The following CSMD3 variants were observed in gnomAD, a reference collection of about 807,000 sequenced individuals.
CSMD3 encodes CUB and sushi domain-containing protein 3.
In CSMD3, 177 loss-of-function variants were observed where a neutral mutation model predicts 435.2. That is an observed-to-expected ratio of 0.41 (90% CI 0.36 to 0.46). The LOEUF is 0.46. Ranked by LOEUF, CSMD3 falls within the 20% of genes least tolerant of loss-of-function variation. The probability of loss-of-function intolerance (pLI) is 0.34; values close to 1 mark genes in which losing one functional copy is unlikely to be tolerated. For synonymous variants in CSMD3, 1,656 were observed against 1,520.5 expected, an observed-to-expected ratio of 1.09 and a Z score of -2.07; for missense variants, 4,265 against 4,504.6, an observed-to-expected ratio of 0.95 and a Z score of 1.52.
chr8:113,374,921 C>T (rs1037589610), intron 1 of CSMD3, among the ~76,000 whole-genome samples: 1 of 150,170 alleles, frequency 6.7e-6, no homozygotes, highest in African/African-American at 2.5e-5. Flanking sequence ...TACCTTTATC[C>T]GTGGCCAAGC....
chr8:112,256,956 A>T (rs1014488720), intron 61 of CSMD3, among the ~76,000 whole-genome samples: 7 of 152,188 alleles, frequency 4.6e-5, no homozygotes, highest in Admixed American at 4.6e-4. Context: ...AGCCATCTGG[A>T]ACGCATGTAT....
chr8:112,752,033 T>C (rs2077583468), intron 13 of CSMD3, among the ~76,000 whole-genome samples: 1 of 152,106 alleles, frequency 6.6e-6, no homozygotes, highest in African/African-American at 2.4e-5. Flanking sequence ...ACCACCCTTG[T>C]TAACCTCTCT....
intron 6 of CSMD3, among the ~76,000 whole-genome samples, chr8:113,004,103 C>T (rs532624373): frequency 4.3e-4 from 65 of 151,884 alleles, no homozygotes; most frequent in African/African-American, 1.4e-3. Context: ...AGACCTTTTT[C>T]GTAAAGTTTT....
chr8:112,446,611 T>C (rs1458490087), intron 32 of CSMD3, among the ~76,000 whole-genome samples: 1 of 152,206 alleles, frequency 6.6e-6, no homozygotes, highest in East Asian at 1.9e-4. Flanking sequence ...CAGAATGAAA[T>C]AGGTTTGCTG....
At chr8:112,335,156 A>G (rs1374426607) in intron 45 of CSMD3, among the ~76,000 whole-genome samples, 173 bp downstream of exon 45, 1 of 152,194 alleles carries the variant, frequency 6.6e-6, no homozygotes, top group Non-Finnish European at 1.5e-5. Flanking sequence ...GAATACTTAG[A>G]AGAGGTCATC....
intron 35 of CSMD3, 52 bp downstream of exon 35, chr8:112,406,472 A>AT: frequency 7.7e-7 from 1 of 1,300,742 alleles, no homozygotes; most frequent in East Asian, 2.4e-5. Context: ...GATGTAACCA[A>AT]TTTTTATATA....
At chr8:112,781,962 C>G (rs1434233020) in intron 13 of CSMD3, among the ~76,000 whole-genome samples, 1 of 152,092 alleles carries the variant, frequency 6.6e-6, no homozygotes, top group Admixed American at 6.6e-5. Flanking sequence ...AAAGTCTTCT[C>G]AAGAAGGACA....
chr8:112,943,254 A>T (rs2130777278), intron 9 of CSMD3, among the ~76,000 whole-genome samples: 1 of 151,594 alleles, frequency 6.6e-6, no homozygotes, highest in South Asian at 2.1e-4. Context: ...TGTAATTTGC[A>T]AATTTTTTTC....
intron 13 of CSMD3, among the ~76,000 whole-genome samples, chr8:112,747,156 A>G (rs1450922115): frequency 5.6e-5 from 3 of 53,940 alleles, no homozygotes; most frequent in Non-Finnish European, 7.2e-5. Flanking sequence ...CACATCCATC[A>G]TTATGATTAT....
intron 35 of CSMD3, among the ~76,000 whole-genome samples, chr8:112,393,676 CT>C (rs1830630105): frequency 6.6e-6 from 1 of 152,136 alleles, no homozygotes; most frequent in African/African-American, 2.4e-5. Flanking sequence ...TTGCATCAGA[CT>C]TTTGTCCTCA....
At chr8:112,582,994 C>T (rs1197729946) in intron 23 of CSMD3, among the ~76,000 whole-genome samples, 1 of 151,958 alleles carries the variant, frequency 6.6e-6, no homozygotes, top group African/African-American at 2.4e-5. Context: ...TATAAACCAC[C>T]TGGTCTATGT....
In CSMD3 at chr8:113,018,952, TC is replaced by T. The variant is rs1366813441; in HGVS notation, c.1030+114del. Reference sequence around the variant, plus strand: ...CTCAGCAACAGCATGACCATTTTTTTCAATACAAATTCCAATTTCTAAATGC... The same window carrying T: ...CTCAGCAACAGCATGACCATTTTTTTAATACAAATTCCAATTTCTAAATGC... On this transcript the variant is annotated intron_variant, in intron 6 of 70. Coordinates refer to ENST00000297405, the MANE Select transcript of CSMD3 (RefSeq NM_198123.2). The T allele has an allele frequency of 5.9e-5, 45 of 757,426 alleles. 1 individual carries two copies. Among genetic ancestry groups the T allele is most frequent in the South Asian group, 4.3e-4 (30 of 70,228 alleles). The allele number at this position is 757,426 out of a possible 1,614,324, so 46.9% of individuals were successfully genotyped here.
At chr8:112,424,833 A>G (rs528992208) in intron 32 of CSMD3, among the ~76,000 whole-genome samples, 1 of 152,142 alleles carries the variant, frequency 6.6e-6, no homozygotes, top group Non-Finnish European at 1.5e-5. Flanking sequence ...CTGGGACCAC[A>G]GGCATGTGCC....
chr8:112,836,379 T>C (rs1025201797), intron 11 of CSMD3, among the ~76,000 whole-genome samples: 5 of 151,830 alleles, frequency 3.3e-5, no homozygotes, highest in African/African-American at 9.7e-5. Context: ...TGTTCTCTTG[T>C]ATTCTTTTCT....
At chr8:113,065,297 G>T (rs1380251064) in intron 5 of CSMD3, among the ~76,000 whole-genome samples, 1 of 152,180 alleles carries the variant, frequency 6.6e-6, no homozygotes, top group African/African-American at 2.4e-5. Flanking sequence ...CTAAGTACAT[G>T]AAAGTTATAA....
intron 10 of CSMD3, among the ~76,000 whole-genome samples, chr8:112,906,270 G>A (rs777868831): frequency 3.3e-5 from 5 of 151,242 alleles, no homozygotes; most frequent in Non-Finnish European, 7.4e-5. Context: ...ACAATCCTAT[G>A]AAGTATTCAT....
intron 20 of CSMD3, 21 bp from the exon 21 acceptor site, chr8:112,638,932 A>T: frequency 6.6e-7 from 1 of 1,507,330 alleles, no homozygotes; most frequent in Non-Finnish European, 9.2e-7. Context: ...AAATAGAAAC[A>T]CTGAATTTAC....
intron 3 of CSMD3, among the ~76,000 whole-genome samples, chr8:113,180,601 T>C (rs2092409277): frequency 1.3e-5 from 2 of 152,040 alleles, no homozygotes; most frequent in African/African-American, 2.4e-5. Flanking sequence ...ATTAAACTAA[T>C]TGCATTACCT....
chr8:112,723,856 A>T (rs1290267000), intron 13 of CSMD3, among the ~76,000 whole-genome samples: 1 of 152,084 alleles, frequency 6.6e-6, no homozygotes, highest in Non-Finnish European at 1.5e-5. Context: ...GGTACATACT[A>T]GGCACACCAA....
Sources: gnomAD v4.1 joint callset for allele counts (sites outside exome capture counted in the v4.1 genomes callset) on GRCh38, gnomAD v4.1.1 for gene constraint, MANE v1.5 for transcripts, NCBI Gene and HGNC (gene_info 2026-07-23, HGNC 2026-07-21) for gene names.